KPNA3: variants seen among roughly 807,000 people sequenced by gnomAD.
KPNA3 encodes karyopherin subunit alpha 3, also known as importin subunit alpha-4.
KPNA3 carries 13 observed loss-of-function variants against 73.8 expected under a neutral mutation model. That is an observed-to-expected ratio of 0.18 (90% CI 0.11 to 0.28). The LOEUF (loss-of-function observed/expected upper bound fraction) is 0.28. KPNA3 is among the 10% of genes least tolerant of loss of function. KPNA3 has a pLI of 1.00. For synonymous variants in KPNA3, 186 were observed against 206.9 expected (o/e 0.90, Z 0.87); for missense variants, 360 against 618.1 (o/e 0.58, Z 4.43).
At chr13:49,716,115 C>T (rs193087611) in intron 10 of KPNA3, among the ~76,000 whole-genome samples, 16 of 152,252 alleles carry the variant, frequency 1.1e-4, no homozygotes, top group Admixed American at 7.2e-4. Context: ...AGATAAGCTA[C>T]AGCTGGGTGT....
chr13:49,753,013 C>T (rs1331202481), intron 1 of KPNA3, among the ~76,000 whole-genome samples: 4 of 110,580 alleles, frequency 3.6e-5, no homozygotes, highest in African/African-American at 1.1e-4. Flanking sequence ...GGTGACAGAG[C>T]GAGACTCTGT....
At chr13:49,706,231 A>C in intron 13 of KPNA3, 37 bp downstream of exon 13, 1 of 1,610,352 alleles carries the variant, frequency 6.2e-7, no homozygotes, top group Non-Finnish European at 8.5e-7. Context: ...GGTTATTAAC[A>C]GATTAACAGA....
chr13:49,792,521 C>CCGGCGGCTGCTACTCCTGCGGCTG lies in KPNA3; in HGVS notation c.-16_-15insCAGCCGCAGGAGTAGCAGCCGCCG. 6.5e-7 allele frequency: 1 copy of CCGGCGGCTGCTACTCCTGCGGCTG among 1,534,350 alleles called. No homozygotes were observed. Among genetic ancestry groups the CCGGCGGCTGCTACTCCTGCGGCTG allele is most frequent in the Non-Finnish European group, 8.8e-7 (1 of 1,137,586 alleles). On this transcript the variant is annotated 5_prime_UTR_variant, in exon 1 of 17. Coordinates refer to ENST00000261667, the MANE Select transcript of KPNA3 (RefSeq NM_002267.4). Reference sequence around the variant, plus strand: ...TTCTCGGCCATGGCTGCGCGCGGCTCCGGCGGCGGCTACTCCTGCGGCTGC... The same window carrying CCGGCGGCTGCTACTCCTGCGGCTG: ...TTCTCGGCCATGGCTGCGCGCGGCTCCGGCGGCTGCTACTCCTGCGGCTGCGGCGGCGGCTACTCCTGCGGCTGC...
intron 1 of KPNA3, among the ~76,000 whole-genome samples, chr13:49,783,039 A>G (rs1954954080): frequency 6.6e-6 from 1 of 152,182 alleles, no homozygotes; most frequent in Non-Finnish European, 1.5e-5. Context: ...AATTAAGAAG[A>G]GCAAAAACTC....
intron 2 of KPNA3, among the ~76,000 whole-genome samples, chr13:49,734,954 T>TAGAGAGAGAGAGAGAGAGAGAG (rs10675449): frequency 1.9e-4 from 27 of 145,902 alleles, no homozygotes; most frequent in African/African-American, 5.6e-4. Context: ...GAGAGATAGA[T>TAGAGAGAGAGAGAGAGAGAGAG]AGAGAGAGAG....
At chr13:49,707,109 T>C (rs930340639) in intron 12 of KPNA3, among the ~76,000 whole-genome samples, 4 of 152,224 alleles carry the variant, frequency 2.6e-5, no homozygotes, top group African/African-American at 9.6e-5. Context: ...TGATTTCTTT[T>C]TTAATTTTAA....
intron 11 of KPNA3, among the ~76,000 whole-genome samples, chr13:49,709,963 G>T (rs1052840905): frequency 6.6e-6 from 1 of 152,130 alleles, no homozygotes; most frequent in Non-Finnish European, 1.5e-5. Context: ...AATTTTAGAA[G>T]AAGTCCAGTT....
At chr13:49,743,499 T>C (rs1954591411) in intron 2 of KPNA3, among the ~76,000 whole-genome samples, 1 of 152,026 alleles carries the variant, frequency 6.6e-6, no homozygotes, top group Non-Finnish European at 1.5e-5. Context: ...GAGATTTCTT[T>C]AGTTAATTTC....
At chr13:49,761,568 T>C (rs1417734467) in intron 1 of KPNA3, among the ~76,000 whole-genome samples, 1 of 152,198 alleles carries the variant, frequency 6.6e-6, no homozygotes, top group Non-Finnish European at 1.5e-5. Context: ...TGGAGTGCAG[T>C]GGCATGATCT....
At position 49,747,063 on chromosome 13, in the gene KPNA3, T is replaced by G. The variant is rs1243521071; in HGVS notation, c.70-70A>C. The G allele has an allele frequency of 2.6e-6, 3 of 1,134,748 alleles. No individual in the cohort carries two copies. In the African/African-American group the frequency reaches 4.6e-5, roughly 17 times the overall value. The allele number at this position is 1,134,748 out of a possible 1,614,324, so 70.3% of individuals were successfully genotyped here. On this transcript the variant is annotated intron_variant, in intron 1 of 16. Transcript: ENST00000261667. ...ACTGCTAGTATATAAAGATCTCAGC[T>G]GGGTGCAGTGGCTCATGCCTATAAT...
At chr13:49,713,822 G>C (rs2137537830) in intron 10 of KPNA3, among the ~76,000 whole-genome samples, 1 of 152,218 alleles carries the variant, frequency 6.6e-6, no homozygotes, top group East Asian at 1.9e-4. Context: ...TCCTGCCTCA[G>C]TGCCCCATGT....
intron 2 of KPNA3, among the ~76,000 whole-genome samples, chr13:49,734,216 C>A (rs1028389036): frequency 1.3e-5 from 2 of 152,086 alleles, no homozygotes; most frequent in African/African-American, 4.8e-5. Context: ...AATAGTTTTC[C>A]TACTGTTCAT....
intron 2 of KPNA3, among the ~76,000 whole-genome samples, chr13:49,741,940 T>G (rs888795352): frequency 1.3e-5 from 2 of 152,260 alleles, no homozygotes; most frequent in Non-Finnish European, 2.9e-5. Context: ...GCTGTGTTTT[T>G]GGGGTCATAT....
chr13:49,717,143 GTTAT>G (rs778218152), intron 10 of KPNA3, among the ~76,000 whole-genome samples: 4 of 151,904 alleles, frequency 2.6e-5, no homozygotes, highest in Non-Finnish European at 4.4e-5. Flanking sequence ...CCATATTTGT[GTTAT>G]TTGTCTGTTA....
At chr13:49,774,462 T>C (rs899137024) in intron 1 of KPNA3, among the ~76,000 whole-genome samples, 1 of 152,162 alleles carries the variant, frequency 6.6e-6, no homozygotes, top group Non-Finnish European at 1.5e-5. Flanking sequence ...CTTTTGCTCA[T>C]TCTCCCTTCT....
Position 49,721,839 on chromosome 13 carries a change from A to C in KPNA3, c.726+116T>G, listed in dbSNP as rs77603840. 5,268 of 692,002 alleles carry C rather than the reference A, an allele frequency of 7.6e-3. 26 individuals are homozygous for C. The highest frequency in any genetic ancestry group is 9.4e-3 in the Non-Finnish European group (4,298 of 456,636). The allele number at this position is 692,002 out of a possible 1,614,324, so 42.9% of individuals were successfully genotyped here. A position where few individuals can be genotyped will look rare whatever the true frequency, so the allele number is the denominator to read the frequency against. ...CGTTATCAAACAAACAAACAAACAAAAAACTCACACCTGCAATGAAATCAG... is the reference window on the plus strand; with the variant it reads ...CGTTATCAAACAAACAAACAAACAACAAACTCACACCTGCAATGAAATCAG... On this transcript the variant is annotated intron_variant, in intron 9 of 16. Coordinates refer to ENST00000261667, the MANE Select transcript of KPNA3 (RefSeq NM_002267.4).
intron 1 of KPNA3, among the ~76,000 whole-genome samples, chr13:49,777,685 A>AT (rs1406686395): frequency 8.1e-6 from 1 of 123,046 alleles, no homozygotes; most frequent in Non-Finnish European, 1.8e-5. Context: ...TTTTTTTTGT[A>AT]TTTTTTGTAG....
At chr13:49,755,302 ATTTATAG>A (rs2137576967) in intron 1 of KPNA3, among the ~76,000 whole-genome samples, 1 of 152,288 alleles carries the variant, frequency 6.6e-6, no homozygotes, top group South Asian at 2.1e-4. Context: ...TTCAACATCC[ATTTATAG>A]TAAAAACACT....
chr13:49,761,979 G>A (rs1954767292), intron 1 of KPNA3, among the ~76,000 whole-genome samples: 1 of 151,928 alleles, frequency 6.6e-6, no homozygotes, highest in Non-Finnish European at 1.5e-5. Flanking sequence ...CCCCATCTGA[G>A]AAGTGAGGAG....
Sources: gnomAD v4.1 joint callset for allele counts (sites outside exome capture counted in the v4.1 genomes callset) on GRCh38, gnomAD v4.1.1 for gene constraint, MANE v1.5 for transcripts, NCBI Gene and HGNC (gene_info 2026-07-23, HGNC 2026-07-21) for gene names.